The following SPOPL variants were observed in gnomAD, a reference collection of about 807,000 sequenced individuals.
SPOPL encodes speckle type BTB/POZ protein like, also known as speckle-type POZ protein-like.
A neutral mutation model predicts 53.8 loss-of-function variants in SPOPL; 23 were observed. The observed-to-expected ratio is 0.43, with a 90% confidence interval of 0.31 to 0.61. The LOEUF (loss-of-function observed/expected upper bound fraction) is 0.61. Ranked by LOEUF, SPOPL falls within the 20% of genes least tolerant of loss-of-function variation. The pLI is 0.12. For missense variants in SPOPL, 442 were observed against 466.9 expected, an observed-to-expected ratio of 0.95 and a Z score of 0.49; for synonymous variants, 164 against 149.7, an observed-to-expected ratio of 1.10 and a Z score of -0.70.
chr2:138,542,761 A>G (rs1558873001), intron 1 of SPOPL, among the ~76,000 whole-genome samples: 1 of 152,104 alleles, frequency 6.6e-6, no homozygotes. Flanking sequence ...GTTATGTGTG[A>G]ATTTAATCCT....
intron 1 of SPOPL, among the ~76,000 whole-genome samples, chr2:138,503,352 T>G (rs761515749): frequency 3.3e-5 from 5 of 152,190 alleles, no homozygotes; most frequent in Non-Finnish European, 5.9e-5. Context: ...CACAGGATGG[T>G]GCTAGTAATT....
intron 5 of SPOPL, chr2:138,554,644 C>T: frequency 4.6e-6 from 2 of 432,570 alleles, no homozygotes; most frequent in Non-Finnish European, 6.8e-6. Flanking sequence ...GTGTAAGCAG[C>T]TCTGCCCTCT....
chr2:138,515,921 G>T (rs1016512865), intron 1 of SPOPL, among the ~76,000 whole-genome samples: 1 of 152,138 alleles, frequency 6.6e-6, no homozygotes, highest in African/African-American at 2.4e-5. Context: ...ATATTCAAAA[G>T]TATTTACTGA....
At chr2:138,527,256 C>G (rs1279746337) in intron 1 of SPOPL, among the ~76,000 whole-genome samples, 1 of 151,954 alleles carries the variant, frequency 6.6e-6, no homozygotes, top group Admixed American at 6.6e-5. Context: ...ACTTGTGTCT[C>G]CCTTCAGATT....
chr2:138,556,523 G>A (rs1468528114), intron 5 of SPOPL, among the ~76,000 whole-genome samples: 1 of 152,120 alleles, frequency 6.6e-6, no homozygotes, highest in Non-Finnish European at 1.5e-5. Flanking sequence ...AATGCTGTTA[G>A]GGTCTAAAGA....
rs1348921275 is a variant in SPOPL, at chr2:138,550,300, T to C, written c.78+6T>C. 1.9e-6 allele frequency: 3 copies of C among 1,613,536 alleles called. No homozygotes were observed. In the African/African-American group the frequency reaches 4.0e-5, roughly 22 times the overall value. ...AAAGCTGGTGTTACACACAGGTACA[T>C]GCTCTTAAAAATCCCTCACTTTATG... On this transcript the variant is annotated splice_donor_region_variant and intron_variant, in intron 2 of 10. Coordinates refer to ENST00000280098, the MANE Select transcript of SPOPL (RefSeq NM_001001664.3).
intron 5 of SPOPL, among the ~76,000 whole-genome samples, chr2:138,554,205 A>G (rs983045463): frequency 1.6e-4 from 24 of 151,650 alleles, no homozygotes; most frequent in Non-Finnish European, 1.5e-5. Context: ...CTTGGTATCC[A>G]TATGCTACAT....
At chr2:138,562,920 TA>T (rs1206520176) in intron 8 of SPOPL, among the ~76,000 whole-genome samples, 2 of 151,892 alleles carry the variant, frequency 1.3e-5, no homozygotes, top group Non-Finnish European at 2.9e-5. Flanking sequence ...AAAAATTCTG[TA>T]AAAGAAAAAA....
Position 138,564,861 on chromosome 2 carries a change from C to G in SPOPL, c.980+11C>G, listed in dbSNP as rs1285221004. Reference sequence around the variant, plus strand: ...AGACTTTATTAATAGGTAAGCTATGCTTGTATTTCAGTGGGCATGACAACT... The same window carrying G: ...AGACTTTATTAATAGGTAAGCTATGGTTGTATTTCAGTGGGCATGACAACT... On this transcript the variant is annotated intron_variant, in intron 9 of 10. Coordinates refer to ENST00000280098, the MANE Select transcript of SPOPL (RefSeq NM_001001664.3). 5.0e-6 allele frequency: 8 copies of G among 1,613,942 alleles called. No individual in the cohort carries two copies. The South Asian group carries it at 8.8e-5, about 18-fold the overall frequency.
chr2:138,556,535 C>G (rs1685427788), intron 5 of SPOPL, among the ~76,000 whole-genome samples: 1 of 152,144 alleles, frequency 6.6e-6, no homozygotes, highest in Admixed American at 6.5e-5. Flanking sequence ...GTCTAAAGAC[C>G]TGATCCCTTA....
chr2:138,560,796 C>G lies in SPOPL; in HGVS notation c.715-9C>G. The G allele has an allele frequency of 2.6e-6, 4 of 1,529,080 alleles. No homozygotes were observed. Among genetic ancestry groups the G allele is most frequent in the Non-Finnish European group, 2.6e-6 (3 of 1,146,196 alleles). 94.7% of individuals were successfully genotyped at this position (1,529,080 alleles called of 1,614,324 possible). A position where few individuals can be genotyped will look rare whatever the true frequency, so the allele number is the denominator to read the frequency against. The stretch of plus-strand genomic sequence containing the variant: ...TTTTTAACATTTTTGTGTTGTTTTT[C>G]GATATCAGAATCGAGTGGAAATAAA... On this transcript the variant is annotated splice_polypyrimidine_tract_variant and intron_variant, in intron 7 of 10. Transcript: ENST00000280098.
chr2:138,561,355 A>C (rs530285433), intron 8 of SPOPL, among the ~76,000 whole-genome samples: 1 of 152,274 alleles, frequency 6.6e-6, no homozygotes, highest in African/African-American at 2.4e-5. Context: ...TAGAGCAAAA[A>C]CAATATTAAT....
intron 1 of SPOPL, among the ~76,000 whole-genome samples, chr2:138,540,654 G>C (rs1418761618): frequency 2.0e-5 from 3 of 152,102 alleles, no homozygotes; most frequent in Non-Finnish European, 4.4e-5. Context: ...TGAGACAATG[G>C]GGTTTTCTAG....
At chr2:138,541,846 T>A (rs1412499478) in intron 1 of SPOPL, among the ~76,000 whole-genome samples, 1 of 152,234 alleles carries the variant, frequency 6.6e-6, no homozygotes, top group Non-Finnish European at 1.5e-5. Context: ...CAATTTTAGA[T>A]CTTTCCTGCT....
intron 1 of SPOPL, among the ~76,000 whole-genome samples, chr2:138,522,875 C>A (rs986793931): frequency 6.6e-6 from 1 of 152,190 alleles, no homozygotes; most frequent in African/African-American, 2.4e-5. Context: ...TCAAAATTAG[C>A]TATTCCATTA....
Position 138,572,074 on chromosome 2 carries a change from G to A in SPOPL, c.*2994G>A, listed in dbSNP as rs1685794423. On this transcript the variant is annotated 3_prime_UTR_variant, in exon 11 of 11. Coordinates refer to ENST00000280098, the MANE Select transcript of SPOPL (RefSeq NM_001001664.3). ...CTGTATTTGCTTGGGGCTTGTGTGT[G>A]GTATGTTACAAAGAGTGAATTTCTG... 1.3e-5 allele frequency: 2 copies of A among 152,098 alleles called. No individual in the cohort carries two copies. Among genetic ancestry groups the A allele is most frequent in the Admixed American group, 1.3e-4 (2 of 15,180 alleles). 9.4% of individuals were successfully genotyped at this position (152,098 alleles called of 1,614,324 possible).
chr2:138,554,511 C>T, intron 5 of SPOPL: 2 of 1,289,394 alleles, frequency 1.6e-6, no homozygotes, highest in African/African-American at 1.5e-5. Flanking sequence ...TCCTCCCCCT[C>T]CCCTGCAAGT....
intron 1 of SPOPL, among the ~76,000 whole-genome samples, chr2:138,531,259 A>C (rs1684801931): frequency 6.6e-6 from 1 of 151,848 alleles, no homozygotes; most frequent in African/African-American, 2.4e-5. Flanking sequence ...TGTAGTGGTT[A>C]CTGTAGAGAT....
At chr2:138,550,033 T>C (rs1685279728) in intron 1 of SPOPL, 124 bp from the exon 2 acceptor site, 5 of 493,310 alleles carry the variant, frequency 1.0e-5, no homozygotes, top group Middle Eastern at 5.4e-4. Flanking sequence ...TCTAAAATTC[T>C]CACATGTTCC....
Sources: gnomAD v4.1 joint callset for allele counts (sites outside exome capture counted in the v4.1 genomes callset) on GRCh38, gnomAD v4.1.1 for gene constraint, MANE v1.5 for transcripts, NCBI Gene and HGNC (gene_info 2026-07-23, HGNC 2026-07-21) for gene names.